The following SACS variants were observed in gnomAD, a reference collection of about 807,000 sequenced individuals.
The protein encoded by SACS is sacsin molecular chaperone, also known as sacsin.
A neutral mutation model predicts 348.0 loss-of-function variants in SACS; 197 were observed. The ratio of observed to expected loss-of-function variants is 0.57; its 90% CI spans 0.50 to 0.64. SACS has a LOEUF of 0.64. SACS is among the 30% of genes least tolerant of loss of function. The pLI is 0.00. For synonymous variants in SACS, 1,985 were observed against 1,910.6 expected (o/e 1.04, Z -1.02); for missense variants, 4,999 against 5,360.8 (o/e 0.93, Z 2.11).
rs190617851 is a variant in SACS, at chr13:23,355,050, C to G, written c.1562G>C (p.Ser521Thr). The change falls in exon 8 of 10, where the codon AGC becomes ACC. Residue 521 changes from serine to threonine, a missense_variant. Physicochemically the swap from Ser to Thr is moderately conservative, Grantham distance 58. Coordinates refer to ENST00000382292, the MANE Select transcript of SACS (RefSeq NM_014363.6). The part of the protein sequence containing the change: ...DSIKRLEMEK[S>T]SDFPLSVDVI... ...ATCAACTGACAAGGGGAAATCAGAG[C>G]TCTTTTCCATCTCCAGACGTTTTAT... 7.6e-5 allele frequency: 123 copies of G among 1,614,212 alleles called. No individual in the cohort carries two copies. In the African/African-American group the frequency reaches 1.1e-3, roughly 14 times the overall value.
chr13:23,357,820 A>G (rs938502668), intron 7 of SACS, among the ~76,000 whole-genome samples: 2 of 152,226 alleles, frequency 1.3e-5, no homozygotes, highest in Admixed American at 1.3e-4. Context: ...AATCTTTAGA[A>G]TGCTTATAAG....
chr13:23,337,590 G>T lies in SACS; in HGVS notation c.6286C>A (p.Pro2096Thr). The T allele has an allele frequency of 6.2e-7, 1 of 1,613,886 alleles. No homozygotes were observed. The change falls in exon 10 of 10, where the codon CCA (proline) becomes ACA (threonine). Residue 2096 changes from proline to threonine, a missense_variant. Physicochemically the swap from Pro to Thr is conservative, Grantham distance 38 (BLOSUM62 -1). Around this residue, in one of 6 missense-constraint regions of SACS, gnomAD observed 3,156 missense variants for 3,380.1 expected, o/e 0.93. Transcript: ENST00000382292. ...DEFSGVLRVTPCIPCSLEGHP... is the reference protein window; with the variant it reads ...DEFSGVLRVTTCIPCSLEGHP... ...CCCTCCAAGGAACAAGGAATACATG[G>T]AGTAACACGAAGAACTCCCGAGAAC...
chr13:23,410,837 C>T (rs988252363), intron 2 of SACS, among the ~76,000 whole-genome samples: 3 of 152,122 alleles, frequency 2.0e-5, no homozygotes, highest in African/African-American at 7.2e-5. Context: ...CTCCCTCTCT[C>T]CTCAGGTTAT....
At chr13:23,364,523 T>TGC (rs1469123737) in intron 6 of SACS, among the ~76,000 whole-genome samples, 2 of 152,108 alleles carry the variant, frequency 1.3e-5, no homozygotes, top group Non-Finnish European at 2.9e-5. Flanking sequence ...TCAGGTGATC[T>TGC]GCCCACCTCA....
rs1457808759 is a variant in SACS at position 23,337,357 on chromosome 13, A to G, written c.6519T>C (p.Ile2173=). ...ATGCAGCAACATGATCACTTTTATT[A>G]ATTTCAGCTACTGACACTGCACGTT... ...MLERAVSVAE[I]NKSDHVAACL... is the part of the protein sequence containing the mutation. The change falls in exon 10 of 10, where the codon ATT becomes ATC. Residue 2173 remains isoleucine (I), a synonymous_variant. Coordinates refer to ENST00000382292, the MANE Select transcript of SACS (RefSeq NM_014363.6). 1 of 1,613,854 alleles carries G rather than the reference A, an allele frequency of 6.2e-7. No homozygotes were observed. Among genetic ancestry groups the G allele is most frequent in the Admixed American group, 1.7e-5 (1 of 59,986 alleles).
chr13:23,422,116 T>C (rs9578595), intron 1 of SACS, among the ~76,000 whole-genome samples: 52,890 of 152,118 alleles, frequency 0.35, 11,732 homozygotes, highest in African/African-American at 0.63. Context: ...TAGAAAAAAG[T>C]TATGTGCAAA....
intron 9 of SACS, among the ~76,000 whole-genome samples, chr13:23,342,640 T>G (rs1179720057): frequency 6.6e-6 from 1 of 152,200 alleles, no homozygotes. Flanking sequence ...GGGTTTCAGA[T>G]TTTTGGGTTA....
rs1277745997 is a variant in SACS at position 23,355,469 on chromosome 13, C to G, written c.1143G>C (p.Glu381Asp). 1.2e-6 allele frequency: 2 copies of G among 1,614,106 alleles called. No homozygotes were observed. Among genetic ancestry groups the G allele is most frequent in the African/African-American group, 2.7e-5 (2 of 75,020 alleles). Residue 381 changes from glutamate to aspartate, a missense_variant, in exon 8 of 10, where the codon GAG becomes GAC. Physicochemically the swap from Glu to Asp is conservative, Grantham distance 45 (BLOSUM62 2). Coordinates refer to ENST00000382292, the MANE Select transcript of SACS (RefSeq NM_014363.6). ...VTYHVNIVLE[E>D]ESTKDAQKTS... ...TTTTCTGTGCATCCTTAGTACTCTC[C>G]TCTTCTAAAACAATATTTACGTGAT...
chr13:23,372,840 T>C (rs1013597476), intron 3 of SACS, among the ~76,000 whole-genome samples: 1 of 152,188 alleles, frequency 6.6e-6, no homozygotes, highest in Non-Finnish European at 1.5e-5. Flanking sequence ...CCACATCCAT[T>C]TGGTACCAAA....
At chr13:23,423,051 A>G (rs1299256996) in intron 1 of SACS, among the ~76,000 whole-genome samples, 1 of 152,208 alleles carries the variant, frequency 6.6e-6, no homozygotes, top group Non-Finnish European at 1.5e-5. Flanking sequence ...AGAGGCAATC[A>G]GGCCTATATA....
At position 23,330,358 on chromosome 13, in the gene SACS, A is replaced by T; in HGVS notation, c.13518T>A (p.Ala4506=). ...GCTGACTATATTCCTCTATTTTCTG[A>T]GCAAGTGCAGTTGGTTTTACATCTT... ...SDKDVKPTAL[A]QKIEEYSQQL... Residue 4506 remains alanine (A), a synonymous_variant, in exon 10 of 10, where the codon GCT becomes GCA. Coordinates refer to ENST00000382292, the MANE Select transcript of SACS (RefSeq NM_014363.6). 1 of 1,614,154 alleles carries T rather than the reference A, an allele frequency of 6.2e-7. No individual in the cohort carries two copies. The highest frequency in any genetic ancestry group is 8.5e-7 in the Non-Finnish European group (1 of 1,180,016).
chr13:23,355,063 CCA>C lies in SACS; in HGVS notation c.1547_1548del (p.Leu516ArgfsTer7), dbSNP rs1870261661. On this transcript the variant is annotated frameshift_variant, in exon 8 of 10. Coordinates refer to ENST00000382292, the MANE Select transcript of SACS (RefSeq NM_014363.6). LOFTEE classifies it high-confidence loss of function. ...ATLILDSIKR[L>X]EMEKSSDFPL... ...GGGAAATCAGAGCTCTTTTCCATCT[CCA>C]GACGTTTTATTGAATCTAAGATCAG... 6.2e-7 allele frequency: 1 copy of C among 1,614,100 alleles called. No homozygotes were observed. The highest frequency in any genetic ancestry group is 8.5e-7 in the Non-Finnish European group (1 of 1,180,050).
rs373226693 is a variant in SACS, at chr13:23,337,698, C to G, written c.6178G>C (p.Val2060Leu). 14 of 1,612,762 alleles carry G rather than the reference C, an allele frequency of 8.7e-6. No homozygotes were observed. In the African/African-American group the frequency reaches 1.1e-4, roughly 12 times the overall value. ...ATTTCTTGAATATTTGGAAAAAACA[C>G]TTCAGAAAAAAACTGTTTCTCTGAA... Reference protein sequence around the residue: ...TFSEKQFFSEVFFPNIQEIEA... With the variant: ...TFSEKQFFSELFFPNIQEIEA... The change falls in exon 10 of 10, where the codon GTG becomes CTG. Residue 2060 changes from valine (V) to leucine (L), a missense_variant. By Grantham distance (32) the Val-to-Leu change is conservative. Coordinates refer to ENST00000382292, the MANE Select transcript of SACS (RefSeq NM_014363.6).
intron 2 of SACS, among the ~76,000 whole-genome samples, chr13:23,393,153 C>G (rs535666417): frequency 1.3e-5 from 2 of 152,320 alleles, no homozygotes; most frequent in Admixed American, 6.5e-5. Context: ...CATGAACAAA[C>G]TTGTTCCTAA....
intron 1 of SACS, among the ~76,000 whole-genome samples, chr13:23,413,791 T>G (rs1171290891): frequency 3.3e-5 from 5 of 152,160 alleles, no homozygotes; most frequent in African/African-American, 1.2e-4. Flanking sequence ...TCATGAATAA[T>G]TCATGAAATT....
intron 4 of SACS, 91 bp from the exon 5 acceptor site, chr13:23,368,578 T>A: frequency 1.1e-6 from 1 of 883,178 alleles, no homozygotes; most frequent in Non-Finnish European, 1.9e-6. Flanking sequence ...ATCATATAAC[T>A]ATACAAGTTA....
Position 23,355,830 on chromosome 13 carries a change from A to C in SACS, c.782T>G (p.Phe261Cys). 1 of 1,614,234 alleles carries C rather than the reference A, an allele frequency of 6.2e-7. No homozygotes were observed. Reference sequence around the variant, plus strand: ...TGTTCCTGGAAAATTGCCGTTTATAAATGTTTCCTTGGTGCTTCCAAAAAT... The same window carrying C: ...TGTTCCTGGAAAATTGCCGTTTATACATGTTTCCTTGGTGCTTCCAAAAAT... ...VGIFGSTKET[F>C]INGNFPGTFF... Residue 261 changes from phenylalanine to cysteine, a missense_variant, in exon 8 of 10, where the codon TTT becomes TGT. By Grantham distance (205) the Phe-to-Cys change is radical. Coordinates refer to ENST00000382292, the MANE Select transcript of SACS (RefSeq NM_014363.6).
In SACS at chr13:23,399,019, C is replaced by CA. The variant is rs752943692; in HGVS notation, c.20+12200dup. 1.4e-3 allele frequency among the ~76,000 whole-genome samples: 96 copies of CA among 67,072 alleles called. 5 individuals are homozygous for CA. The highest frequency in any genetic ancestry group is 2.6e-3 in the African/African-American group (47 of 18,184). The allele number at this position is 67,072 out of a possible 152,430, so 44.0% of individuals were successfully genotyped here. A position where few individuals can be genotyped will look rare whatever the true frequency, so the allele number is the denominator to read the frequency against. On this transcript the variant is annotated intron_variant, in intron 2 of 9. Transcript: ENST00000382292. ...CTGGTAACAGAGTGAGACTCCATCT[C>CA]AAAAAAAAAAAAAAAAAACATGGAT...
intron 5 of SACS, 142 bp downstream of exon 5, chr13:23,368,260 A>C (rs975176470): frequency 3.2e-6 from 2 of 634,640 alleles, no homozygotes; most frequent in Non-Finnish European, 5.6e-6. Context: ...ACTGCTATAC[A>C]CTGCAGCCAC....
Sources: allele counts gnomAD v4.1 joint callset (sites outside exome capture counted in the v4.1 genomes callset), GRCh38; gene constraint gnomAD v4.1.1; regional missense constraint gnomAD v4.1.1; transcripts MANE v1.5; gene names NCBI Gene and HGNC (gene_info 2026-07-23, HGNC 2026-07-21).